CPLX4: variants seen among roughly 807,000 people sequenced by gnomAD.
CPLX4 encodes complexin 4.
A neutral mutation model predicts 16.1 loss-of-function variants in CPLX4; 17 were observed. That is an observed-to-expected ratio of 1.06 (90% CI 0.72 to 1.59). The LOEUF (loss-of-function observed/expected upper bound fraction) is 1.59, where lower values mean the gene tolerates loss of function less well. Among genes scored for constraint, CPLX4 ranks in the 40% most tolerant of loss-of-function variants. The pLI is 0.00. For missense variants in CPLX4, 193 were observed against 192.9 expected, an observed-to-expected ratio of 1.00 and a Z score of 0.00; for synonymous variants, 55 against 57.8, an observed-to-expected ratio of 0.95 and a Z score of 0.22.
Position 59,296,623 on chromosome 18 carries a change from A to T in CPLX4, c.*75T>A. 2 of 1,520,678 alleles carry T rather than the reference A, an allele frequency of 1.3e-6. No individual in the cohort carries two copies. Among genetic ancestry groups the T allele is most frequent in the East Asian group, 2.3e-5 (1 of 43,538 alleles). The allele number at this position is 1,520,678 out of a possible 1,614,324, so 94.2% of individuals were successfully genotyped here. ...CTGTGTTCACTACATTAAAACATGTACTGCTTGAAACGTCCCACAAGAGAG... is the reference window on the plus strand; with the variant it reads ...CTGTGTTCACTACATTAAAACATGTTCTGCTTGAAACGTCCCACAAGAGAG... On this transcript the variant is annotated 3_prime_UTR_variant, in exon 3 of 3. Transcript: ENST00000299721.
chr18:59,308,488 T>G (rs2144187039), intron 2 of CPLX4, among the ~76,000 whole-genome samples: 1 of 152,020 alleles, frequency 6.6e-6, no homozygotes, highest in Non-Finnish European at 1.5e-5. Context: ...TTTTCTTTCT[T>G]TCTTTGTTGT....
chr18:59,305,771 C>G (rs1301533729), intron 2 of CPLX4, among the ~76,000 whole-genome samples: 1 of 152,150 alleles, frequency 6.6e-6, no homozygotes, highest in East Asian at 1.9e-4. Flanking sequence ...TAGGTGGTAG[C>G]AAAAAGCAAT....
chr18:59,301,960 A>T (rs2070544636), intron 2 of CPLX4, among the ~76,000 whole-genome samples: 1 of 152,230 alleles, frequency 6.6e-6, no homozygotes, highest in Non-Finnish European at 1.5e-5. Flanking sequence ...AGCAGTGGTT[A>T]TGAATATTTT....
Position 59,308,836 on chromosome 18 carries a change from CGAAGGGT to C in CPLX4, c.255+3842_255+3848del, listed in dbSNP as rs555394016. Among the ~76,000 whole-genome samples the C allele has an allele frequency of 4.2e-4, 64 of 152,340 alleles. No homozygotes were observed. The South Asian group carries it at 0.013, about 31-fold the overall frequency. ...GCCTCTTTTTCGCCACATGGGCCAT[CGAAGGGT>C]CCCTGTACCCAGAGCCTCGTCAGTG... On this transcript the variant is annotated intron_variant, in intron 2 of 2. Coordinates refer to ENST00000299721, the MANE Select transcript of CPLX4 (RefSeq NM_181654.4).
chr18:59,310,202 T>A (rs1160695415), intron 2 of CPLX4, among the ~76,000 whole-genome samples: 1 of 150,086 alleles, frequency 6.7e-6, no homozygotes. Context: ...CTACTGTTAT[T>A]TATCAACATC....
intron 1 of CPLX4, among the ~76,000 whole-genome samples, chr18:59,314,397 T>G (rs2070638696): frequency 6.6e-6 from 1 of 152,242 alleles, no homozygotes; most frequent in African/African-American, 2.4e-5. Context: ...ATTTTACTTT[T>G]TTGATACATT....
intron 2 of CPLX4, among the ~76,000 whole-genome samples, chr18:59,301,331 TA>T (rs776676870): frequency 6.6e-6 from 1 of 152,072 alleles, no homozygotes; most frequent in Non-Finnish European, 1.5e-5. Context: ...GAGAGCCCTC[TA>T]AAACATGGGC....
intron 2 of CPLX4, among the ~76,000 whole-genome samples, chr18:59,297,909 T>A (rs1057234923): frequency 6.6e-6 from 1 of 152,176 alleles, no homozygotes; most frequent in African/African-American, 2.4e-5. Context: ...GACTGGAGTC[T>A]AGCACACAGT....
chr18:59,315,613 T>C (rs2070646213), intron 1 of CPLX4, among the ~76,000 whole-genome samples: 1 of 152,236 alleles, frequency 6.6e-6, no homozygotes, highest in Non-Finnish European at 1.5e-5. Flanking sequence ...CTTCATCTAC[T>C]TTCAAGTTGC....
chr18:59,314,410 G>A (rs538486644), intron 1 of CPLX4, among the ~76,000 whole-genome samples: 5 of 151,296 alleles, frequency 3.3e-5, no homozygotes, highest in African/African-American at 7.3e-5. Context: ...GATACATTTC[G>A]AAGTTGCAGA....
chr18:59,301,158 C>T (rs951411418), intron 2 of CPLX4, among the ~76,000 whole-genome samples: 3 of 152,214 alleles, frequency 2.0e-5, no homozygotes, highest in Non-Finnish European at 4.4e-5. Flanking sequence ...AGATCTGCAT[C>T]GGAGGCCTGA....
intron 1 of CPLX4, among the ~76,000 whole-genome samples, 154 bp downstream of exon 1, chr18:59,318,142 A>G (rs2070663076): frequency 1.3e-5 from 2 of 152,164 alleles, no homozygotes; most frequent in African/African-American, 4.8e-5. Flanking sequence ...GGAACCGTTT[A>G]CTTTAGAAGA....
chr18:59,296,970 T>C (rs750983077), intron 2 of CPLX4, 45 bp from the exon 3 acceptor site: 2 of 1,567,376 alleles, frequency 1.3e-6, no homozygotes, highest in Non-Finnish European at 1.7e-6. Context: ...TCTAAACTAC[T>C]AACTCACTAA....
chr18:59,297,723 T>C (rs2070511566), intron 2 of CPLX4, among the ~76,000 whole-genome samples: 1 of 152,254 alleles, frequency 6.6e-6, no homozygotes, highest in Non-Finnish European at 1.5e-5. Context: ...CTCACCTGGT[T>C]GACCCCACTG....
At chr18:59,306,091 C>T (rs1030094994) in intron 2 of CPLX4, among the ~76,000 whole-genome samples, 17 of 152,312 alleles carry the variant, frequency 1.1e-4, no homozygotes, top group Non-Finnish European at 2.2e-4. Context: ...GCAGTGAGAA[C>T]TAGTCATTTA....
chr18:59,297,839 A>G (rs922726276), intron 2 of CPLX4, among the ~76,000 whole-genome samples: 4 of 152,048 alleles, frequency 2.6e-5, no homozygotes, highest in Non-Finnish European at 5.9e-5. Flanking sequence ...CCTCCCTTCC[A>G]CTAGACAGGG....
Position 59,312,704 on chromosome 18 carries a change from T to C in CPLX4, c.236A>G (p.Glu79Gly), listed in dbSNP as rs778682188. The change falls in exon 2 of 3, where the codon GAA becomes GGA. Residue 79 changes from glutamate (E) to glycine (G), a missense_variant. Physicochemically the swap from Glu to Gly is moderately conservative, Grantham distance 98. Coordinates refer to ENST00000299721, the MANE Select transcript of CPLX4 (RefSeq NM_181654.4). ...TCTTACCTTTGGGAGCCTGTATTTT[T>C]CTCTGAGATGAACTCTGAGGCATGC... The part of the protein sequence containing the change: ...ERACLRVHLR[E>G]KYRLPKSEMD... 7.3e-7 allele frequency: 1 copy of C among 1,378,880 alleles called. No individual in the cohort carries two copies. The highest frequency in any genetic ancestry group is 1.4e-5 in the African/African-American group (1 of 70,608). 85.4% of individuals were successfully genotyped at this position (1,378,880 alleles called of 1,614,324 possible).
rs550448487 is a variant in CPLX4 at position 59,307,715 on chromosome 18, C to T, written c.255+4970G>A. 3.1e-3 allele frequency among the ~76,000 whole-genome samples: 467 copies of T among 150,872 alleles called. 9 individuals carry two copies. Among genetic ancestry groups the T allele is most frequent in the Non-Finnish European group, 4.2e-3 (286 of 67,814 alleles). ...GCTCCTTAATGAAGCATCTAGGAGA[C>T]AAAACCCTACACCTCGCATCCCCAC... On this transcript the variant is annotated intron_variant, in intron 2 of 2. Coordinates refer to ENST00000299721, the MANE Select transcript of CPLX4 (RefSeq NM_181654.4).
chr18:59,314,255 C>T (rs1568107477), intron 1 of CPLX4, among the ~76,000 whole-genome samples: 1 of 152,094 alleles, frequency 6.6e-6, no homozygotes, highest in Admixed American at 6.5e-5. Context: ...CTTTTCTCCC[C>T]ATGTTTTACT....
Sources: gnomAD v4.1 joint callset for allele counts (sites outside exome capture counted in the v4.1 genomes callset) on GRCh38, gnomAD v4.1.1 for gene constraint, MANE v1.5 for transcripts, NCBI Gene and HGNC (gene_info 2026-07-23, HGNC 2026-07-21) for gene names.